Variants in GRM8 observed in about 807,000 individuals in gnomAD.
GRM8 encodes the protein metabotropic glutamate receptor 8.
In GRM8, 47 loss-of-function variants were observed where a neutral mutation model predicts 87.2. The observed-to-expected ratio is 0.54, with a 90% CI of 0.43 to 0.69. The LOEUF (loss-of-function observed/expected upper bound fraction) is 0.69. Among genes scored for constraint, GRM8 ranks in the 30% least tolerant of loss-of-function variants. GRM8 has a pLI of 0.00. For missense variants in GRM8, 1,019 were observed against 1,139.2 expected, an observed-to-expected ratio of 0.89 and a Z score of 1.52; for synonymous variants, 396 against 404.5, an observed-to-expected ratio of 0.98 and a Z score of 0.25.
intron 9 of GRM8, among the ~76,000 whole-genome samples, chr7:126,457,387 T>A (rs1241969391): frequency 6.6e-6 from 1 of 151,434 alleles, no homozygotes; most frequent in East Asian, 2.0e-4. Context: ...ACAATAATTT[T>A]CCAAAACTTA....
At chr7:126,677,832 C>T (rs560017952) in intron 7 of GRM8, among the ~76,000 whole-genome samples, 1 of 152,188 alleles carries the variant, frequency 6.6e-6, no homozygotes, top group Non-Finnish European at 1.5e-5. Context: ...CATTTGTATT[C>T]GTAAAGGTAT....
chr7:126,814,805 T>G (rs961603735), intron 6 of GRM8, among the ~76,000 whole-genome samples: 2 of 151,910 alleles, frequency 1.3e-5, no homozygotes, highest in African/African-American at 4.8e-5. Flanking sequence ...TATTACAGAC[T>G]GCTGTATAGG....
rs572874255 is a variant in GRM8 at position 126,849,225 on chromosome 7, A to G, written c.1156+53317T>C. On this transcript the variant is annotated intron_variant, in intron 6 of 10. Coordinates refer to ENST00000339582, the MANE Select transcript of GRM8 (RefSeq NM_000845.3). The stretch of plus-strand genomic sequence containing the variant: ...GAAAGAAAAGAAAATTTAAAATGAT[A>G]AATACTTGTCCCATTATAATTTTAC... 3.3e-5 allele frequency among the ~76,000 whole-genome samples: 5 copies of G among 152,296 alleles called. No homozygotes were observed. In the South Asian group the frequency reaches 1.0e-3, roughly 32 times the overall value.
At chr7:126,587,181 G>A (rs181834192) in intron 8 of GRM8, among the ~76,000 whole-genome samples, 2 of 152,270 alleles carry the variant, frequency 1.3e-5, no homozygotes, top group Non-Finnish European at 1.5e-5. Flanking sequence ...GAAACAACAG[G>A]TGATGGAGAG....
chr7:126,546,513 T>C (rs911834861), intron 8 of GRM8, among the ~76,000 whole-genome samples: 1 of 152,162 alleles, frequency 6.6e-6, no homozygotes, highest in African/African-American at 2.4e-5. Flanking sequence ...GAAGGGAATA[T>C]GGCCCTAGTC....
intron 6 of GRM8, among the ~76,000 whole-genome samples, chr7:126,855,676 G>T (rs1324958591): frequency 2.0e-5 from 3 of 151,876 alleles, no homozygotes; most frequent in Non-Finnish European, 2.9e-5. Context: ...GGGTTTCACC[G>T]TGTTGGCAAG....
chr7:127,086,170 G>A (rs186628479), intron 3 of GRM8, among the ~76,000 whole-genome samples: 5 of 152,150 alleles, frequency 3.3e-5, no homozygotes, highest in Admixed American at 2.0e-4. Flanking sequence ...GCATGATCTC[G>A]GCTCACTGCA....
chr7:126,597,474 T>G (rs949302382), intron 8 of GRM8, among the ~76,000 whole-genome samples: 1 of 152,116 alleles, frequency 6.6e-6, no homozygotes, highest in Non-Finnish European at 1.5e-5. Context: ...ATAAAATGAC[T>G]TTTTACCAGT....
At chr7:126,479,750 AG>A (rs1806439226) in intron 9 of GRM8, among the ~76,000 whole-genome samples, 1 of 136,222 alleles carries the variant, frequency 7.3e-6, no homozygotes, top group Admixed American at 7.0e-5. Context: ...ATAGACAGAC[AG>A]ACAGACAGAC....
At chr7:127,251,611 G>A (rs1426471460) in intron 1 of GRM8, among the ~76,000 whole-genome samples, 1 of 151,828 alleles carries the variant, frequency 6.6e-6, no homozygotes, top group Non-Finnish European at 1.5e-5. Context: ...GAGAGCGCCA[G>A]GCTGCTTTTG....
intron 3 of GRM8, among the ~76,000 whole-genome samples, chr7:127,093,292 T>C (rs1428438664): frequency 6.6e-6 from 1 of 152,142 alleles, no homozygotes; most frequent in Non-Finnish European, 1.5e-5. Context: ...CAGCATCATA[T>C]CCCTACCACC....
intron 8 of GRM8, among the ~76,000 whole-genome samples, chr7:126,587,471 T>C (rs916630718): frequency 9.9e-5 from 15 of 152,106 alleles, no homozygotes; most frequent in Non-Finnish European, 1.6e-4. Context: ...ATGTGGCACA[T>C]ATACACCATG....
intron 7 of GRM8, among the ~76,000 whole-genome samples, chr7:126,746,323 C>G (rs12333442): frequency 0.39 from 58,997 of 151,274 alleles, 12,717 homozygotes; most frequent in Non-Finnish European, 0.48. Flanking sequence ...TGTTCCCTAA[C>G]ATTACAAATC....
At chr7:126,486,160 C>T (rs1015886497) in intron 9 of GRM8, among the ~76,000 whole-genome samples, 1 of 152,008 alleles carries the variant, frequency 6.6e-6, no homozygotes, top group African/African-American at 2.4e-5. Context: ...GACTAAGAGA[C>T]TAATTTCAGT....
rs567767054 is a variant in GRM8 at position 126,677,014 on chromosome 7, G to GA, written c.1358-67517dup. Among the ~76,000 whole-genome samples, 15 of 151,768 alleles carry GA rather than the reference G, an allele frequency of 9.9e-5. No individual in the cohort carries two copies. The South Asian group carries it at 2.5e-3, about 25-fold the overall frequency. ...ATCTACAAGGAATTCAAATCAGCAG[G>GA]AAAAAAATGATACCATTAAAAAGTG... On this transcript the variant is annotated intron_variant, in intron 7 of 10. Transcript: ENST00000339582.
chr7:126,598,546 T>TAA (rs1797431927), intron 8 of GRM8, among the ~76,000 whole-genome samples: 1 of 152,170 alleles, frequency 6.6e-6, no homozygotes, highest in East Asian at 1.9e-4. Context: ...TGTCCTCACT[T>TAA]ATTTATTTGT....
At chr7:127,063,435 T>C (rs935408487) in intron 3 of GRM8, among the ~76,000 whole-genome samples, 1 of 147,236 alleles carries the variant, frequency 6.8e-6, no homozygotes, top group Non-Finnish European at 1.5e-5. Context: ...AATTAGCCAC[T>C]TGTGGTGGCA....
intron 6 of GRM8, among the ~76,000 whole-genome samples, chr7:126,815,333 G>A (rs1186997064): frequency 6.6e-6 from 1 of 151,994 alleles, no homozygotes; most frequent in Non-Finnish European, 1.5e-5. Context: ...ATTCTATCAG[G>A]GAGAATTACT....
intron 9 of GRM8, among the ~76,000 whole-genome samples, chr7:126,509,206 T>A (rs1810952130): frequency 6.6e-6 from 1 of 152,060 alleles, no homozygotes; most frequent in Non-Finnish European, 1.5e-5. Flanking sequence ...AGTGTTAAAT[T>A]TTCAATATGG....
Sources: gnomAD v4.1 joint callset for allele counts (sites outside exome capture counted in the v4.1 genomes callset) on GRCh38, gnomAD v4.1.1 for gene constraint, MANE v1.5 for transcripts, NCBI Gene and HGNC (gene_info 2026-07-23, HGNC 2026-07-21) for gene names.